FMN2: variants seen among roughly 807,000 people sequenced by gnomAD.
FMN2 encodes the protein formin 2, also known as formin-2.
In FMN2, 51 loss-of-function variants were observed where a neutral mutation model predicts 142.3. The observed-to-expected ratio is 0.36, with a 90% CI of 0.29 to 0.45. The LOEUF is 0.45. Among genes scored for constraint, FMN2 ranks in the 20% least tolerant of loss-of-function variants. The pLI, the probability that FMN2 is intolerant of heterozygous loss-of-function variation, is 1.00. For missense variants in FMN2, 1,936 were observed against 2,122.8 expected (o/e 0.91, Z 1.73); for synonymous variants, 882 against 869.8 (o/e 1.01, Z -0.25).
Position 240,207,334 on chromosome 1 carries a change from A to G in FMN2, c.2522A>G (p.His841Arg), listed in dbSNP as rs751014266. 169 of 1,613,666 alleles carry G rather than the reference A, an allele frequency of 1.0e-4. 1 individual carries two copies. The highest frequency in any genetic ancestry group is 8.9e-4 in the South Asian group (81 of 91,082). ...ATTTCTACCGAGTTTCAAACCAGCCACGAACACTCTGTTTCCTCTGCCTTT... is the reference window on the plus strand; with the variant it reads ...ATTTCTACCGAGTTTCAAACCAGCCGCGAACACTCTGTTTCCTCTGCCTTT... ...HSISTEFQTS[H>R]EHSVSSAFKN... Residue 841 changes from histidine (H) to arginine (R), a missense_variant, in exon 5 of 18, where the codon CAC becomes CGC. His to Arg is a conservative substitution (Grantham distance 29, BLOSUM62 0). Around this residue, in one of 8 missense-constraint regions of FMN2, gnomAD observed 478 missense variants for 462.8 expected, o/e 1.03. Coordinates refer to ENST00000319653, the MANE Select transcript of FMN2 (RefSeq NM_020066.5).
chr1:240,414,236 G>A (rs942100380), intron 15 of FMN2, among the ~76,000 whole-genome samples: 4 of 152,308 alleles, frequency 2.6e-5, no homozygotes, highest in African/African-American at 9.6e-5. Flanking sequence ...TATCTAAGAT[G>A]AGGAGGGGCT....
chr1:240,226,080 T>C (rs1004606974), intron 6 of FMN2, among the ~76,000 whole-genome samples: 2 of 152,100 alleles, frequency 1.3e-5, no homozygotes, highest in Non-Finnish European at 2.9e-5. Context: ...GACCAGTGTA[T>C]GTGAACTATA....
chr1:240,143,249 A>G (rs1663272592), intron 2 of FMN2: 12 of 1,585,210 alleles, frequency 7.6e-6, no homozygotes, highest in African/African-American at 1.3e-5. Context: ...GATCAGCATC[A>G]TGAGATAATT....
intron 16 of FMN2, among the ~76,000 whole-genome samples, chr1:240,444,226 C>A (rs1276789210): frequency 6.6e-6 from 1 of 152,188 alleles, no homozygotes; most frequent in Non-Finnish European, 1.5e-5. Flanking sequence ...AAATGAAGGT[C>A]TCCTCTTCTT....
intron 6 of FMN2, among the ~76,000 whole-genome samples, chr1:240,252,306 A>G (rs1668303115): frequency 6.6e-6 from 1 of 152,038 alleles, no homozygotes; most frequent in Non-Finnish European, 1.5e-5. Context: ...TAGTGGCAAC[A>G]TTTGGATCCT....
At chr1:240,315,859 GT>G (rs766663676) in intron 8 of FMN2, among the ~76,000 whole-genome samples, 3 of 152,316 alleles carry the variant, frequency 2.0e-5, no homozygotes, top group Admixed American at 1.3e-4. Context: ...ACTCTTGAAT[GT>G]GGAATGTGTA....
intron 6 of FMN2, among the ~76,000 whole-genome samples, chr1:240,240,792 C>G (rs1343607872): frequency 6.6e-6 from 1 of 152,164 alleles, no homozygotes; most frequent in Non-Finnish European, 1.5e-5. Flanking sequence ...TATAGCTCAG[C>G]AGACTTGTAT....
chr1:240,257,803 A>G, intron 6 of FMN2, 142 bp from the exon 7 acceptor site: 1 of 677,736 alleles, frequency 1.5e-6, no homozygotes, highest in Non-Finnish European at 2.5e-6. Context: ...AAACATTAAA[A>G]AAAACACTGT....
chr1:240,340,305 G>A (rs1291352890), intron 13 of FMN2, among the ~76,000 whole-genome samples: 2 of 152,138 alleles, frequency 1.3e-5, no homozygotes, highest in Non-Finnish European at 2.9e-5. Flanking sequence ...TCCGGGCCGG[G>A]TGCAGTGGCT....
At chr1:240,199,921 AG>A (rs1267410916) in intron 4 of FMN2, among the ~76,000 whole-genome samples, 1 of 152,222 alleles carries the variant, frequency 6.6e-6, no homozygotes, top group Non-Finnish European at 1.5e-5. Context: ...ATTTTTTGAT[AG>A]GAAAAGCCAT....
At chr1:240,102,804 A>G (rs1661458492) in intron 1 of FMN2, among the ~76,000 whole-genome samples, 1 of 152,062 alleles carries the variant, frequency 6.6e-6, no homozygotes, top group Non-Finnish European at 1.5e-5. Context: ...TTAAGTGGAG[A>G]AAGTGGAGAG....
intron 8 of FMN2, among the ~76,000 whole-genome samples, chr1:240,309,325 C>T (rs565091562): frequency 1.3e-5 from 2 of 152,262 alleles, no homozygotes; most frequent in East Asian, 3.9e-4. Context: ...CAAGAAAACA[C>T]ACTTCTGGGG....
intron 2 of FMN2, among the ~76,000 whole-genome samples, chr1:240,167,804 C>T (rs984444410): frequency 3.3e-5 from 5 of 152,070 alleles, no homozygotes; most frequent in Admixed American, 6.6e-5. Context: ...AGGCTGGGCA[C>T]GGTGGCTCAC....
intron 8 of FMN2, among the ~76,000 whole-genome samples, chr1:240,310,420 C>G (rs1276573871): frequency 6.6e-6 from 1 of 152,136 alleles, no homozygotes; most frequent in East Asian, 1.9e-4. Flanking sequence ...AGTGAGCTTT[C>G]TCTTCTAGAT....
At chr1:240,304,345 T>C (rs1373181491) in intron 8 of FMN2, among the ~76,000 whole-genome samples, 2 of 152,204 alleles carry the variant, frequency 1.3e-5, no homozygotes, top group Non-Finnish European at 2.9e-5. Context: ...TTTTTATTAA[T>C]TGTTTTTATT....
At position 240,143,285 on chromosome 1, in the gene FMN2, T is replaced by C; in HGVS notation, c.1782+19940T>C. On this transcript the variant is annotated intron_variant, in intron 2 of 17. Coordinates refer to ENST00000319653, the MANE Select transcript of FMN2 (RefSeq NM_020066.5). Reference sequence around the variant, plus strand: ...TGCTTAGGGTATCCAGGATGTTGATTTGAAACAGAGATGAGGGCCAGTGCT... The same window carrying C: ...TGCTTAGGGTATCCAGGATGTTGATCTGAAACAGAGATGAGGGCCAGTGCT... 2.6e-6 allele frequency: 4 copies of C among 1,543,726 alleles called. No homozygotes were observed. The South Asian group carries it at 4.5e-5, about 17-fold the overall frequency.
intron 2 of FMN2, among the ~76,000 whole-genome samples, chr1:240,142,501 T>TTATTTATTTATTTATTTATATA (rs1164646678): frequency 0.012 from 956 of 78,630 alleles, 6 homozygotes; most frequent in African/African-American, 0.022. Context: ...TTATTTATAT[T>TTATTTATTTATTTATTTATATA]TTTTGGGGGG....
At chr1:240,415,639 A>G (rs763698315) in intron 15 of FMN2, among the ~76,000 whole-genome samples, 3 of 152,222 alleles carry the variant, frequency 2.0e-5, no homozygotes, top group Non-Finnish European at 4.4e-5. Flanking sequence ...GTGTAAAAAC[A>G]ATACTGTTAG....
chr1:240,226,853 T>C (rs1667324526), intron 6 of FMN2, among the ~76,000 whole-genome samples: 1 of 151,370 alleles, frequency 6.6e-6, no homozygotes, highest in Non-Finnish European at 1.5e-5. Flanking sequence ...CACACACAAA[T>C]GGGACTAGAA....
Sources: gnomAD v4.1 joint callset for allele counts (sites outside exome capture counted in the v4.1 genomes callset) on GRCh38, gnomAD v4.1.1 for gene constraint, gnomAD v4.1.1 regional missense constraint, MANE v1.5 for transcripts, NCBI Gene and HGNC (gene_info 2026-07-23, HGNC 2026-07-21) for gene names.